The following ANXA11 variants were observed in gnomAD, a reference collection of about 807,000 sequenced individuals.
The protein encoded by ANXA11 is annexin A11.
ANXA11 carries 57 observed loss-of-function variants against 64.7 expected under a neutral mutation model. The ratio of observed to expected loss-of-function variants is 0.88; its 90% CI spans 0.71 to 1.10. ANXA11 has a LOEUF of 1.10. Among genes scored for constraint, ANXA11 ranks in the 50% least tolerant of loss-of-function variants. ANXA11 has a pLI of 0.00. For missense variants in ANXA11, 675 were observed against 670.7 expected (o/e 1.01, Z -0.07); for synonymous variants, 260 against 265.2 (o/e 0.98, Z 0.19).
chr10:80,195,834 T>C (rs1460358718), intron 1 of ANXA11: 2 of 153,282 alleles, frequency 1.3e-5, no homozygotes, highest in Non-Finnish European at 2.9e-5. Context: ...GAAATTTCCC[T>C]TTATAAAAGC....
chr10:80,191,545 T>A (rs934545091), intron 1 of ANXA11, among the ~76,000 whole-genome samples: 2 of 152,142 alleles, frequency 1.3e-5, no homozygotes, highest in Non-Finnish European at 2.9e-5. Context: ...TCTACCTAAC[T>A]CAGCCAGCTT....
chr10:80,175,951 G>A (rs1393496083), intron 2 of ANXA11, among the ~76,000 whole-genome samples, 156 bp downstream of exon 2: 1 of 152,216 alleles, frequency 6.6e-6, no homozygotes, highest in Non-Finnish European at 1.5e-5. Context: ...CTACTCGGGA[G>A]GCTGAGGCAG....
chr10:80,182,066 G>A (rs533890998), intron 1 of ANXA11, among the ~76,000 whole-genome samples: 5 of 152,144 alleles, frequency 3.3e-5, no homozygotes, highest in South Asian at 2.1e-4. Flanking sequence ...CTAACTCTAC[G>A]ATATTCTGGA....
At chr10:80,203,428 C>T (rs1279510192) in intron 1 of ANXA11, among the ~76,000 whole-genome samples, 1 of 152,168 alleles carries the variant, frequency 6.6e-6, no homozygotes, top group Admixed American at 6.5e-5. Flanking sequence ...TCATCTCCAT[C>T]TCACCCTCCC....
At chr10:80,156,188 A>G (rs1193456072) in intron 15 of ANXA11, among the ~76,000 whole-genome samples, 2 of 152,176 alleles carry the variant, frequency 1.3e-5, no homozygotes, top group African/African-American at 4.8e-5. Context: ...CCTAAAAACC[A>G]CTTCCCAGGG....
At chr10:80,182,211 G>T (rs1055669171) in intron 1 of ANXA11, among the ~76,000 whole-genome samples, 21 of 145,104 alleles carry the variant, frequency 1.4e-4, no homozygotes, top group Non-Finnish European at 2.9e-4. Flanking sequence ...ATGGCGGGGG[G>T]TGCAAGTGTG....
chr10:80,165,161 C>A (rs2132393520), intron 8 of ANXA11, among the ~76,000 whole-genome samples: 1 of 152,304 alleles, frequency 6.6e-6, no homozygotes, highest in East Asian at 1.9e-4. Context: ...CTGACCCCCT[C>A]CCTAGAATAA....
chr10:80,178,018 C>T (rs1846229636), intron 1 of ANXA11, among the ~76,000 whole-genome samples: 1 of 152,206 alleles, frequency 6.6e-6, no homozygotes. Flanking sequence ...CTTCTGGTAA[C>T]TGTGACCTCT....
intron 1 of ANXA11, among the ~76,000 whole-genome samples, chr10:80,193,387 T>C (rs1362629952): frequency 6.6e-6 from 1 of 152,196 alleles, no homozygotes. Flanking sequence ...GAAGGATGTG[T>C]CAGGGGACTG....
intron 1 of ANXA11, among the ~76,000 whole-genome samples, chr10:80,185,510 A>G (rs1846506397): frequency 6.6e-6 from 1 of 152,266 alleles, no homozygotes; most frequent in Non-Finnish European, 1.5e-5. Context: ...AATTTGCAAC[A>G]GCGTAATAAA....
At chr10:80,188,290 T>G (rs1241455173) in intron 1 of ANXA11, among the ~76,000 whole-genome samples, 1 of 151,748 alleles carries the variant, frequency 6.6e-6, no homozygotes, top group Non-Finnish European at 1.5e-5. Context: ...CTTCTAACAC[T>G]GCTGCTAGGC....
chr10:80,199,190 C>T (rs1324257236), intron 1 of ANXA11, among the ~76,000 whole-genome samples: 1 of 151,686 alleles, frequency 6.6e-6, no homozygotes, highest in Non-Finnish European at 1.5e-5. Context: ...CTCCGCCTCC[C>T]GGGTTCATGC....
intron 13 of ANXA11, 121 bp downstream of exon 13, chr10:80,158,979 G>T: frequency 1.3e-6 from 1 of 743,170 alleles, no homozygotes. Context: ...TGGGCTGAGC[G>T]ATCTTGGATC....
intron 1 of ANXA11, among the ~76,000 whole-genome samples, chr10:80,182,164 C>G (rs1846378200): frequency 6.6e-6 from 1 of 150,430 alleles, no homozygotes; most frequent in Non-Finnish European, 1.5e-5. Flanking sequence ...TGTTGCTTCC[C>G]TGATTGTAAC....
chr10:80,167,194 GA>G, intron 6 of ANXA11, 31 bp downstream of exon 6: 1 of 1,601,312 alleles, frequency 6.2e-7, no homozygotes, highest in Non-Finnish European at 8.6e-7. Context: ...AGGGGGCAGG[GA>G]GTAGGATTTG....
intron 1 of ANXA11, among the ~76,000 whole-genome samples, chr10:80,176,833 A>AGGTC (rs914185655): frequency 2.0e-5 from 3 of 152,174 alleles, no homozygotes; most frequent in Non-Finnish European, 4.4e-5. Context: ...CCCACAGGGC[A>AGGTC]GGTCGACCCC....
intron 1 of ANXA11, among the ~76,000 whole-genome samples, chr10:80,185,154 GACAGTCA>G (rs1846493821): frequency 6.6e-6 from 1 of 152,206 alleles, no homozygotes; most frequent in Admixed American, 6.5e-5. Flanking sequence ...CCTGGTGCAT[GACAGTCA>G]ACTGATGGAC....
intron 6 of ANXA11, 32 bp downstream of exon 6, chr10:80,167,194 G>A (rs776525181): frequency 3.7e-6 from 6 of 1,601,312 alleles, no homozygotes; most frequent in Admixed American, 1.7e-5. Flanking sequence ...AGGGGGCAGG[G>A]AGTAGGATTT....
In ANXA11 at chr10:80,166,237, A is replaced by C. The variant is rs1161398629; in HGVS notation, c.745-40T>G. On this transcript the variant is annotated intron_variant, in intron 7 of 15. Transcript: ENST00000422982. ...AAACAAACAACCAACAAAAAAAAAAACAAGTCTATTTAAAAAATCCACAGG... is the reference window on the plus strand; with the variant it reads ...AAACAAACAACCAACAAAAAAAAAACCAAGTCTATTTAAAAAATCCACAGG... 1.4e-5 allele frequency: 17 copies of C among 1,207,152 alleles called. No homozygotes were observed. In the Admixed American group the frequency reaches 3.4e-4, roughly 24 times the overall value. The allele number at this position is 1,207,152 out of a possible 1,614,324, so 74.8% of individuals were successfully genotyped here.
Sources: gnomAD v4.1 joint callset for allele counts (sites outside exome capture counted in the v4.1 genomes callset) on GRCh38, gnomAD v4.1.1 for gene constraint, MANE v1.5 for transcripts, NCBI Gene and HGNC (gene_info 2026-07-23, HGNC 2026-07-21) for gene names.